Variants in SAP130 observed in about 807,000 individuals in gnomAD.
SAP130 encodes the protein histone deacetylase complex subunit SAP130.
A neutral mutation model predicts 103.2 loss-of-function variants in SAP130; 16 were observed. The observed-to-expected ratio is 0.16, with a 90% CI of 0.10 to 0.24. The LOEUF is 0.24. Ranked by LOEUF, SAP130 falls within the 10% of genes least tolerant of loss-of-function variation. The pLI, the probability that SAP130 is intolerant of heterozygous loss-of-function variation, is 1.00. For synonymous variants in SAP130, 477 were observed against 497.0 expected (o/e 0.96, Z 0.53); for missense variants, 990 against 1,359.7 (o/e 0.73, Z 4.28).
At chr2:128,016,350 T>A (rs746421925) in intron 4 of SAP130, 39 bp downstream of exon 4, 1 of 1,594,196 alleles carries the variant, frequency 6.3e-7, no homozygotes, top group Non-Finnish European at 8.6e-7. Flanking sequence ...CAGTTTGGCA[T>A]TTCAGTTTGA....
chr2:128,025,425 A>G (rs1573870798), intron 2 of SAP130, among the ~76,000 whole-genome samples: 1 of 152,304 alleles, frequency 6.6e-6, no homozygotes, highest in African/African-American at 2.4e-5. Flanking sequence ...GTATAAGACT[A>G]AAAACCAAGT....
intron 14 of SAP130, among the ~76,000 whole-genome samples, chr2:127,983,680 G>A (rs1682129088): frequency 6.6e-6 from 1 of 152,138 alleles, no homozygotes; most frequent in African/African-American, 2.4e-5. Context: ...TACGGGAGAA[G>A]CAGGCACATC....
intron 15 of SAP130, among the ~76,000 whole-genome samples, chr2:127,961,460 T>C (rs1680240816): frequency 6.6e-6 from 1 of 151,950 alleles, no homozygotes; most frequent in South Asian, 2.1e-4. Flanking sequence ...AATGTTATTT[T>C]CTTACCCAAC....
Position 127,986,786 on chromosome 2 carries a change from C to G in SAP130, c.1957G>C (p.Gly653Arg), listed in dbSNP as rs1393779974. The G allele has an allele frequency of 6.2e-7, 1 of 1,613,548 alleles. No individual in the cohort carries two copies. The change falls in exon 14 of 21, where the codon GGA (glycine) becomes CGA (arginine). Residue 653 changes from glycine (G) to arginine (R), a missense_variant and splice_region_variant. Physicochemically the swap from Gly to Arg is moderately radical, Grantham distance 125. This residue lies in a region of SAP130 where 349 missense variants were observed against 384.1 expected (regional missense o/e 0.91). Transcript: ENST00000643581. This position sits in a 1 kb window ranked among gnomAD's most constrained non-coding sequence, Gnocchi z 4.7. ...TTCGGCACTACCAGGTCTACTCACC[C>G]ATCTGTGGCAGGTTTCTTCCGGAGT... ...SILRKKPATD[G>R]MAVRKTLIPP...
At chr2:127,979,206 G>A (rs182355996) in intron 14 of SAP130, among the ~76,000 whole-genome samples, 3 of 152,222 alleles carry the variant, frequency 2.0e-5, no homozygotes, top group Non-Finnish European at 2.9e-5. Context: ...TTGGGGTGCT[G>A]TGCCTGCAAG....
At chr2:127,963,287 C>T (rs2438020) in intron 15 of SAP130, among the ~76,000 whole-genome samples, 142,889 of 152,194 alleles carry the variant, frequency 0.94, 67,479 homozygotes, top group East Asian at 1. Context: ...TGGAGTACAG[C>T]GGCATGATGC....
intron 7 of SAP130, among the ~76,000 whole-genome samples, chr2:128,002,912 A>C (rs925410471): frequency 2.0e-5 from 3 of 152,128 alleles, no homozygotes; most frequent in Admixed American, 2.0e-4. Flanking sequence ...AGATTGCTTG[A>C]GTCCAGGAGT....
At chr2:127,993,099 C>T in intron 12 of SAP130, 88 bp downstream of exon 12, 1 of 1,444,750 alleles carries the variant, frequency 6.9e-7, no homozygotes, top group Non-Finnish European at 9.6e-7. Flanking sequence ...TAATTAATCT[C>T]ATACAAAAAA....
intron 2 of SAP130, among the ~76,000 whole-genome samples, chr2:128,022,935 T>C (rs576379463): frequency 6.6e-6 from 1 of 152,038 alleles, no homozygotes; most frequent in Admixed American, 6.6e-5. Context: ...GCTCAAGCGA[T>C]CCTCCCACCT....
In SAP130 at chr2:127,955,111, A is replaced by G. The variant is rs1573641506; in HGVS notation, c.2297T>C (p.Ile766Thr). 6.2e-7 allele frequency: 1 copy of G among 1,614,126 alleles called. No homozygotes were observed. Among genetic ancestry groups the G allele is most frequent in the Non-Finnish European group, 8.5e-7 (1 of 1,180,004 alleles). ...GACTGATGGAGGTGGTGCAGCTGCAATGGTGGTGATGGGTGGAGTGATGGG... is the reference window on the plus strand; with the variant it reads ...GACTGATGGAGGTGGTGCAGCTGCAGTGGTGGTGATGGGTGGAGTGATGGG... ...AVPITPPITT[I>T]AAAPPPSVTV... Residue 766 changes from isoleucine to threonine, a missense_variant, in exon 16 of 21, where the codon ATT becomes ACT. Around this residue, in one of 6 missense-constraint regions of SAP130, gnomAD observed 349 missense variants for 384.1 expected, o/e 0.91. Coordinates refer to ENST00000643581, the MANE Select transcript of SAP130 (RefSeq NM_001330301.2). This position sits in a 1 kb window ranked among gnomAD's most constrained non-coding sequence, Gnocchi z 4.9.
Position 127,957,634 on chromosome 2 carries a change from C to T in SAP130, c.2064-2290G>A, listed in dbSNP as rs377125818. 1.2e-3 allele frequency among the ~76,000 whole-genome samples: 180 copies of T among 151,028 alleles called. 3 individuals are homozygous for T. The highest frequency in any genetic ancestry group is 3.9e-3 in the African/African-American group (162 of 41,068). On this transcript the variant is annotated intron_variant, in intron 15 of 20. Coordinates refer to ENST00000643581, the MANE Select transcript of SAP130 (RefSeq NM_001330301.2). ...GAGGCCGCAATGAGTTATGATGGCA[C>T]CACTGAACTCCAGCCACAACAGAGC... is the stretch of plus-strand genomic sequence containing the variant.
At chr2:128,004,361 CTTTTTTTTTTTTTTT>C (rs71935874) in intron 7 of SAP130, among the ~76,000 whole-genome samples, 5 of 76,024 alleles carry the variant, frequency 6.6e-5, no homozygotes, top group African/African-American at 1.8e-4. Context: ...GCTTTCTTTC[CTTTTTTTTTTTTTTT>C]TTTTTTTTTT....
chr2:127,946,675 G>A (rs1432950129), intron 18 of SAP130, among the ~76,000 whole-genome samples: 1 of 151,912 alleles, frequency 6.6e-6, no homozygotes, highest in East Asian at 1.9e-4. Flanking sequence ...TTGAGGTCAG[G>A]AGTTCGAGAC....
chr2:127,958,502 A>C (rs1032609404), intron 15 of SAP130, among the ~76,000 whole-genome samples: 1 of 152,250 alleles, frequency 6.6e-6, no homozygotes, highest in Non-Finnish European at 1.5e-5. Context: ...TGAACACATA[A>C]GATATAAAGA....
chr2:127,957,072 G>A (rs1051050229), intron 15 of SAP130, among the ~76,000 whole-genome samples: 3 of 152,122 alleles, frequency 2.0e-5, no homozygotes, highest in African/African-American at 4.8e-5. Context: ...AAGCTGAGGC[G>A]GAAGAATCAT....
intron 11 of SAP130, among the ~76,000 whole-genome samples, chr2:127,995,238 T>C (rs1683091070): frequency 6.6e-6 from 1 of 152,206 alleles, no homozygotes; most frequent in African/African-American, 2.4e-5. Context: ...CAGATCTTGG[T>C]TTGTAAATGA....
At chr2:127,957,650 A>G (rs1428086286) in intron 15 of SAP130, among the ~76,000 whole-genome samples, 1 of 151,904 alleles carries the variant, frequency 6.6e-6, no homozygotes, top group Non-Finnish European at 1.5e-5. Flanking sequence ...AACTCCAGCC[A>G]CAACAGAGCG....
intron 14 of SAP130, among the ~76,000 whole-genome samples, chr2:127,979,184 C>A (rs946563380): frequency 5.9e-5 from 9 of 152,242 alleles, no homozygotes; most frequent in African/African-American, 1.7e-4. Flanking sequence ...CATGTGACGA[C>A]GGAGGCAGAG....
intron 15 of SAP130, among the ~76,000 whole-genome samples, chr2:127,969,169 G>A (rs937535706): frequency 3.9e-5 from 6 of 152,140 alleles, no homozygotes; most frequent in Admixed American, 2.0e-4. Context: ...GAGGTTGGCG[G>A]GGGGAGAGGG....
Sources: allele counts gnomAD v4.1 joint callset (sites outside exome capture counted in the v4.1 genomes callset), GRCh38; gene constraint gnomAD v4.1.1; regional missense constraint gnomAD v4.1.1; non-coding constraint Gnocchi (gnomAD v3.1); transcripts MANE v1.5; gene names NCBI Gene and HGNC (gene_info 2026-07-23, HGNC 2026-07-21).